MEMO1: variants seen among roughly 807,000 people sequenced by gnomAD.
MEMO1 encodes protein MEMO1.
In MEMO1, 6 loss-of-function variants were observed where a neutral mutation model predicts 45.2. The observed-to-expected ratio is 0.13, with a 90% CI of 0.07 to 0.26. The LOEUF is 0.26. Ranked by LOEUF, MEMO1 falls within the 10% of genes least tolerant of loss-of-function variation. The pLI, the probability that MEMO1 is intolerant of heterozygous loss-of-function variation, is 1.00. For missense variants in MEMO1, 184 were observed against 370.5 expected (o/e 0.50, Z 4.13); for synonymous variants, 78 against 124.3 (o/e 0.63, Z 2.48).
At chr2:31,940,454 C>T (rs1261713925) in intron 3 of MEMO1, among the ~76,000 whole-genome samples, 1 of 152,168 alleles carries the variant, frequency 6.6e-6, no homozygotes, top group Non-Finnish European at 1.5e-5. Flanking sequence ...ACTTGTCTTC[C>T]CCTTATCAGT....
At chr2:31,945,070 T>C (rs1666039228) in intron 2 of MEMO1, among the ~76,000 whole-genome samples, 1 of 152,210 alleles carries the variant, frequency 6.6e-6, no homozygotes, top group Non-Finnish European at 1.5e-5. Flanking sequence ...ACTTTCACTG[T>C]ATATGTATCA....
At chr2:31,907,584 C>T (rs893986675) in intron 6 of MEMO1, among the ~76,000 whole-genome samples, 14 of 152,228 alleles carry the variant, frequency 9.2e-5, no homozygotes, top group African/African-American at 3.1e-4. Context: ...CACTTGAGCC[C>T]AGGAGTTCAA....
chr2:31,966,194 T>C (rs1474377202), intron 2 of MEMO1, among the ~76,000 whole-genome samples: 2 of 152,190 alleles, frequency 1.3e-5, no homozygotes, highest in African/African-American at 4.8e-5. Flanking sequence ...AGTTAGCGCC[T>C]CTTTCCAACT....
At chr2:31,869,430 T>A (rs74937459) in intron 9 of MEMO1, among the ~76,000 whole-genome samples, 1 of 152,136 alleles carries the variant, frequency 6.6e-6, no homozygotes, top group African/African-American at 2.4e-5. Flanking sequence ...ACACACATCA[T>A]CTGTCTTGCT....
At chr2:31,980,903 A>T (rs1042084973) in intron 2 of MEMO1, among the ~76,000 whole-genome samples, 1 of 152,224 alleles carries the variant, frequency 6.6e-6, no homozygotes, top group Admixed American at 6.5e-5. Flanking sequence ...CAGATGACTA[A>T]ATCAGGAAGA....
intron 2 of MEMO1, among the ~76,000 whole-genome samples, chr2:31,947,796 A>G (rs1666359251): frequency 6.6e-6 from 1 of 152,200 alleles, no homozygotes; most frequent in Non-Finnish European, 1.5e-5. Context: ...GCATGGTGAC[A>G]AAACCAGACA....
intron 2 of MEMO1, among the ~76,000 whole-genome samples, chr2:31,966,732 C>CAAAAAAAAAAAAAAAAAAAAAA: frequency 8.5e-6 from 1 of 117,838 alleles, no homozygotes; most frequent in Non-Finnish European, 1.8e-5. Context: ...GACTCTGTCT[C>CAAAAAAAAAAAAAAAAAAAAAA]AAAAAAAAAA....
chr2:31,964,934 C>G (rs1460802135), intron 2 of MEMO1, among the ~76,000 whole-genome samples: 2 of 151,942 alleles, frequency 1.3e-5, no homozygotes, highest in Non-Finnish European at 2.9e-5. Context: ...TATGGTGAGG[C>G]TGGGTGCAGC....
intron 7 of MEMO1, among the ~76,000 whole-genome samples, chr2:31,887,461 A>G (rs533128563): frequency 6.6e-6 from 1 of 152,318 alleles, no homozygotes; most frequent in East Asian, 1.9e-4. Context: ...TTATATGCTA[A>G]GCCACTTTCA....
intron 2 of MEMO1, among the ~76,000 whole-genome samples, chr2:31,990,610 T>C (rs1671834814): frequency 6.7e-6 from 1 of 149,752 alleles, no homozygotes; most frequent in South Asian, 2.1e-4. Context: ...AATTTCGCCA[T>C]GTTGCCCAGG....
chr2:31,943,801 A>G (rs1665892397), intron 2 of MEMO1, among the ~76,000 whole-genome samples: 1 of 152,162 alleles, frequency 6.6e-6, no homozygotes, highest in Non-Finnish European at 1.5e-5. Context: ...AATCACTTCC[A>G]CACCCAATGA....
At chr2:31,872,881 T>C (rs569897682) in intron 8 of MEMO1, among the ~76,000 whole-genome samples, 1 of 152,260 alleles carries the variant, frequency 6.6e-6, no homozygotes, top group South Asian at 2.1e-4. Context: ...GAAAAATTCA[T>C]GAAGTATGCA....
At chr2:31,981,023 T>C (rs1194514521) in intron 2 of MEMO1, among the ~76,000 whole-genome samples, 1 of 152,218 alleles carries the variant, frequency 6.6e-6, no homozygotes, top group Non-Finnish European at 1.5e-5. Flanking sequence ...TCACACAGTT[T>C]AAATAGTCAA....
At chr2:31,941,158 C>G (rs1046912677) in intron 3 of MEMO1, among the ~76,000 whole-genome samples, 1 of 152,128 alleles carries the variant, frequency 6.6e-6, no homozygotes, top group African/African-American at 2.4e-5. Context: ...TCTTCATGAT[C>G]TAGCCCTCCG....
chr2:31,948,433 A>G (rs535759994), intron 2 of MEMO1, among the ~76,000 whole-genome samples: 1 of 152,364 alleles, frequency 6.6e-6, no homozygotes, highest in East Asian at 1.9e-4. Context: ...ATAAAAAGCC[A>G]AATAAAAGTA....
intron 2 of MEMO1, among the ~76,000 whole-genome samples, chr2:31,945,332 GC>G (rs1292571666): frequency 6.6e-6 from 1 of 152,114 alleles, no homozygotes; most frequent in Non-Finnish European, 1.5e-5. Flanking sequence ...AATACATAAT[GC>G]TACAAGTATC....
intron 3 of MEMO1, among the ~76,000 whole-genome samples, chr2:31,938,359 TAAG>T (rs771395496): frequency 2.0e-4 from 30 of 150,772 alleles, no homozygotes; most frequent in Non-Finnish European, 3.5e-4. Context: ...AAAAAAAAAC[TAAG>T]AAGGCCAGGC....
At chr2:31,994,822 C>T (rs1459402256) in intron 2 of MEMO1, among the ~76,000 whole-genome samples, 1 of 151,918 alleles carries the variant, frequency 6.6e-6, no homozygotes, top group Non-Finnish European at 1.5e-5. Flanking sequence ...GTGGTGCACA[C>T]CTGTAGTCCC....
intron 2 of MEMO1, among the ~76,000 whole-genome samples, chr2:32,001,398 T>C (rs1420968005): frequency 6.6e-6 from 1 of 152,118 alleles, no homozygotes; most frequent in Non-Finnish European, 1.5e-5. Flanking sequence ...AATTAAAATA[T>C]ACCAATTATT....
Sources: allele counts gnomAD v4.1 joint callset (sites outside exome capture counted in the v4.1 genomes callset), GRCh38; gene constraint gnomAD v4.1.1; transcripts MANE v1.5; gene names NCBI Gene and HGNC (gene_info 2026-07-23, HGNC 2026-07-21).